Variants in COL19A1 observed in about 807,000 individuals in gnomAD.
COL19A1 encodes the protein collagen type XIX alpha 1 chain.
Under a neutral mutation model 190.2 loss-of-function variants are expected in COL19A1, and 159 were observed. The ratio of observed to expected loss-of-function variants is 0.84; its 90% CI spans 0.73 to 0.95. COL19A1 has a LOEUF of 0.95. Ranked by LOEUF, COL19A1 falls within the 40% of genes least tolerant of loss-of-function variation. The pLI is 0.00. For missense variants in COL19A1, 1,418 were observed against 1,431.9 expected (o/e 0.99, Z 0.16); for synonymous variants, 509 against 458.9 (o/e 1.11, Z -1.39).
intron 16 of COL19A1, among the ~76,000 whole-genome samples, chr6:70,106,117 G>A (rs879243360): frequency 6.6e-6 from 1 of 152,128 alleles, no homozygotes; most frequent in African/African-American, 2.4e-5. Flanking sequence ...TTATTCGGGG[G>A]AGTGTCAGTG....
intron 37 of COL19A1, among the ~76,000 whole-genome samples, chr6:70,166,441 A>C (rs1365195277): frequency 6.6e-6 from 1 of 152,236 alleles, no homozygotes; most frequent in Non-Finnish European, 1.5e-5. Flanking sequence ...GCTCTTAGTG[A>C]ACAAAAAGTA....
chr6:70,105,132 T>A (rs1382884348), intron 16 of COL19A1, among the ~76,000 whole-genome samples: 2 of 152,184 alleles, frequency 1.3e-5, no homozygotes, highest in African/African-American at 4.8e-5. Context: ...AATGGTTTAT[T>A]AACTTTTTAA....
intron 34 of COL19A1, among the ~76,000 whole-genome samples, chr6:70,159,656 C>G (rs1489226149): frequency 6.6e-6 from 1 of 152,114 alleles, no homozygotes; most frequent in Non-Finnish European, 1.5e-5. Flanking sequence ...GAACTTGGTC[C>G]TTGATCCCAC....
rs756613889 is a variant in COL19A1, at chr6:70,199,666, A to G, written c.3153A>G (p.Gln1051=). 6.2e-7 allele frequency: 1 copy of G among 1,609,260 alleles called. No individual in the cohort carries two copies. The highest frequency in any genetic ancestry group is 8.5e-7 in the Non-Finnish European group (1 of 1,177,086). The change falls in exon 49 of 51, where the codon CAA becomes CAG. Residue 1051 remains glutamine, a synonymous_variant. Coordinates refer to ENST00000620364, the MANE Select transcript of COL19A1 (RefSeq NM_001858.6). The part of the protein sequence containing the change: ...LKLPAAMLAA[Q]AYGRPGPPGK... Reference sequence around the variant, plus strand: ...TGCCAGCAGCAATGTTGGCTGCCCAAGCTTATGGGAGACCTGGGCCACCAG... The same window carrying G: ...TGCCAGCAGCAATGTTGGCTGCCCAGGCTTATGGGAGACCTGGGCCACCAG...
intron 17 of COL19A1, among the ~76,000 whole-genome samples, chr6:70,126,838 G>T (rs1473823625): frequency 1.3e-5 from 2 of 152,198 alleles, no homozygotes; most frequent in Non-Finnish European, 2.9e-5. Flanking sequence ...GCCTCTGGTG[G>T]TTCCTTGGCC....
chr6:70,100,197 A>G (rs923229608), intron 15 of COL19A1, among the ~76,000 whole-genome samples: 2 of 152,200 alleles, frequency 1.3e-5, no homozygotes, highest in Non-Finnish European at 2.9e-5. Flanking sequence ...AGAACCAATC[A>G]CTTACCTAGA....
At position 69,997,049 on chromosome 6, in the gene COL19A1, A is replaced by AG. The variant is rs1491452555; in HGVS notation, c.1027-26578_1027-26577insG. 1.4e-3 allele frequency among the ~76,000 whole-genome samples: 198 copies of AG among 146,024 alleles called. No homozygotes were observed. In the East Asian group the frequency reaches 0.018, roughly 13 times the overall value. ...TATAGAGAGAGAGAGAGAGAGAGAG[A>AG]AAGAGAACCAAAAGAGAATCTAACA... On this transcript the variant is annotated intron_variant, in intron 11 of 50. Transcript: ENST00000620364.
intron 20 of COL19A1, among the ~76,000 whole-genome samples, chr6:70,141,626 C>T (rs1269849840): frequency 6.6e-6 from 1 of 151,974 alleles, no homozygotes; most frequent in Non-Finnish European, 1.5e-5. Flanking sequence ...GTAGAGAATG[C>T]AGTGATTGCT....
intron 19 of COL19A1, among the ~76,000 whole-genome samples, chr6:70,140,281 C>T (rs1786160935): frequency 6.6e-6 from 1 of 151,940 alleles, no homozygotes; most frequent in African/African-American, 2.4e-5. Context: ...TTCCAGATTA[C>T]TTATAATATA....
At chr6:70,181,454 T>C (rs1766169242) in intron 44 of COL19A1, among the ~76,000 whole-genome samples, 2 of 152,088 alleles carry the variant, frequency 1.3e-5, no homozygotes, top group South Asian at 4.2e-4. Context: ...ATTAGTTTCA[T>C]TCCCTGCCTC....
chr6:69,935,953 C>G, intron 7 of COL19A1, among the ~76,000 whole-genome samples: 1 of 151,954 alleles, frequency 6.6e-6, no homozygotes, highest in East Asian at 1.9e-4. Context: ...AGTTTTGTAT[C>G]CTGAAAATAC....
chr6:70,002,283 A>G (rs1777311847), intron 11 of COL19A1, among the ~76,000 whole-genome samples: 1 of 152,038 alleles, frequency 6.6e-6, no homozygotes, highest in Non-Finnish European at 1.5e-5. Context: ...TTTGTTGAGG[A>G]TTTTGACATT....
chr6:70,131,761 A>T (rs550364623), intron 18 of COL19A1, among the ~76,000 whole-genome samples: 11 of 152,174 alleles, frequency 7.2e-5, no homozygotes, highest in Non-Finnish European at 1.3e-4. Context: ...TTAAATGATG[A>T]TTCATTTCTT....
chr6:70,184,115 G>C (rs1193704772), intron 44 of COL19A1, among the ~76,000 whole-genome samples: 1 of 152,126 alleles, frequency 6.6e-6, no homozygotes, highest in African/African-American at 2.4e-5. Flanking sequence ...TACATTTCTT[G>C]CTTTTCTTTC....
At position 70,133,900 on chromosome 6, in the gene COL19A1, G is replaced by T. The variant is rs573469601; in HGVS notation, c.1383+3677G>T. ...CAGCCCAATGTCATCCAACGACTAT[G>T]TGGAAAGATGGACTGCAACCCCTTT... On this transcript the variant is annotated intron_variant, in intron 18 of 50. Transcript: ENST00000620364. Among the ~76,000 whole-genome samples the T allele has an allele frequency of 1.4e-3, 217 of 152,296 alleles. 1 individual carries two copies. The highest frequency in any genetic ancestry group is 5.0e-3 in the African/African-American group (208 of 41,568).
intron 11 of COL19A1, among the ~76,000 whole-genome samples, chr6:69,975,425 C>G (rs1199009760): frequency 6.6e-6 from 1 of 152,152 alleles, no homozygotes; most frequent in Non-Finnish European, 1.5e-5. Context: ...TCAAGTTATC[C>G]ATGGCTATTT....
Position 70,097,536 on chromosome 6 carries a change from C to T in COL19A1, c.1225-4633C>T, listed in dbSNP as rs149695988. On this transcript the variant is annotated intron_variant, in intron 15 of 50. Coordinates refer to ENST00000620364, the MANE Select transcript of COL19A1 (RefSeq NM_001858.6). ...CTGTCTCAAAAAAAAAAAAATTCTG[C>T]GAGTGAGGCTCAGCAATCTATTTTA... Among the ~76,000 whole-genome samples the T allele has an allele frequency of 1.4e-4, 22 of 151,856 alleles. No homozygotes were observed. In the East Asian group the frequency reaches 3.9e-3, roughly 27 times the overall value.
intron 50 of COL19A1, 53 bp downstream of exon 50, chr6:70,207,031 A>T (rs1767916025): frequency 3.1e-6 from 5 of 1,606,870 alleles, no homozygotes; most frequent in Non-Finnish European, 3.4e-6. Context: ...AATTAGAACC[A>T]TGCTTCTCCC....
intron 12 of COL19A1, among the ~76,000 whole-genome samples, chr6:70,031,247 A>T (rs9446182): frequency 0.42 from 63,044 of 149,690 alleles, 16,897 homozygotes; most frequent in African/African-American, 0.77. Flanking sequence ...TTTTTTTTTT[A>T]ATTTGAGCAA....
Sources: gnomAD v4.1 joint callset for allele counts (sites outside exome capture counted in the v4.1 genomes callset) on GRCh38, gnomAD v4.1.1 for gene constraint, MANE v1.5 for transcripts, NCBI Gene and HGNC (gene_info 2026-07-23, HGNC 2026-07-21) for gene names.